The following TESMIN variants were observed in gnomAD, a reference collection of about 807,000 sequenced individuals.
TESMIN encodes CXC domain containing 2.
Under a neutral mutation model 47.4 loss-of-function variants are expected in TESMIN, and 34 were observed. The ratio of observed to expected loss-of-function variants is 0.72; its 90% confidence interval spans 0.55 to 0.96. TESMIN has a LOEUF of 0.96. Among genes scored for constraint, TESMIN ranks in the 40% least tolerant of loss-of-function variants. The pLI is 0.00. For synonymous variants in TESMIN, 278 were observed against 258.9 expected (o/e 1.07, Z -0.71); for missense variants, 610 against 637.2 (o/e 0.96, Z 0.46).
chr11:68,723,790 T>A (rs1946230133), intron 6 of TESMIN, among the ~76,000 whole-genome samples: 1 of 152,154 alleles, frequency 6.6e-6, no homozygotes, highest in Admixed American at 6.5e-5. Flanking sequence ...GATTCAATAC[T>A]TTTTAAGAAA....
At chr11:68,705,108 A>C (rs985417687), downstream of TESMIN, among the ~76,000 whole-genome samples, 2 of 152,076 alleles carry the variant, frequency 1.3e-5, no homozygotes, top group Non-Finnish European at 2.9e-5. Flanking sequence ...TCCTGGGGAG[A>C]GAGTGCAGCA....
intron 6 of TESMIN, chr11:68,736,728 T>G (rs1308039651): frequency 1.0e-6 from 1 of 976,860 alleles, no homozygotes; most frequent in Non-Finnish European, 1.2e-6. Flanking sequence ...TGATTGAAAA[T>G]AATCTAGTAT....
intron 4 of TESMIN, among the ~76,000 whole-genome samples, chr11:68,743,234 C>CTTTT (rs57435562): frequency 4.7e-4 from 58 of 123,066 alleles, no homozygotes; most frequent in Non-Finnish European, 7.0e-4. Context: ...ACAGGAACTA[C>CTTTT]TTTTTTTTTT....
rs1170354361 is a variant in TESMIN, at chr11:68,747,223, TTTC to T, written c.612_614del (p.Lys205del). 6.2e-7 allele frequency: 1 copy of T among 1,614,058 alleles called. No homozygotes were observed. Among genetic ancestry groups the T allele is most frequent in the Non-Finnish European group, 8.5e-7 (1 of 1,179,998 alleles). The stretch of plus-strand genomic sequence containing the variant: ...GCATAATTACCATTGGGTTGGAATC[TTTC>T]TTAAGAGAACAGCAGGAGGCATCCT... On this transcript the variant is annotated inframe_deletion, in exon 3 of 10. Coordinates refer to ENST00000255087, the MANE Select transcript of TESMIN (RefSeq NM_004923.3).
intron 6 of TESMIN, chr11:68,736,821 G>A (rs1448889044): frequency 4.1e-6 from 4 of 972,958 alleles, no homozygotes; most frequent in Non-Finnish European, 1.2e-6. Flanking sequence ...AGAAGAGGAA[G>A]GAGGAGGAGG....
At chr11:68,741,613 C>A (rs1946457346) in intron 5 of TESMIN, among the ~76,000 whole-genome samples, 1 of 152,230 alleles carries the variant, frequency 6.6e-6, no homozygotes, top group Non-Finnish European at 1.5e-5. Context: ...CAGATCAGTG[C>A]CTGCCCTTAT....
Sources: allele counts gnomAD v4.1 joint callset (sites outside exome capture counted in the v4.1 genomes callset), GRCh38; gene constraint gnomAD v4.1.1; transcripts MANE v1.5; gene names NCBI Gene and HGNC (gene_info 2026-07-23, HGNC 2026-07-21).